Variants in PSMD10 observed in about 807,000 individuals in gnomAD.
PSMD10 encodes the protein proteasome 26S subunit, non-ATPase 10, also known as 26S proteasome non-ATPase regulatory subunit 10.
Under a neutral mutation model 13.2 loss-of-function variants are expected in PSMD10, and 2 were observed. The ratio of observed to expected loss-of-function variants is 0.15; its 90% CI spans 0.06 to 0.48. PSMD10 has a LOEUF of 0.48. Ranked by LOEUF, PSMD10 falls within the 20% of genes least tolerant of loss-of-function variation. The pLI, the probability that PSMD10 is intolerant of heterozygous loss-of-function variation, is 0.97. For synonymous variants in PSMD10, 66 were observed against 64.4 expected, an observed-to-expected ratio of 1.03 and a Z score of -0.12; for missense variants, 120 against 167.4, an observed-to-expected ratio of 0.72 and a Z score of 1.56.
At chrX:108,087,465 T>C (rs1354412111) in intron 4 of PSMD10, 2 of 414,205 alleles carry the variant, frequency 4.8e-6, no homozygotes, top group Non-Finnish European at 7.8e-6. Flanking sequence ...TACATTTGAA[T>C]ATAAAAGACC....
At chrX:108,086,097 G>A (rs1327064834) in intron 4 of PSMD10, among the ~76,000 whole-genome samples, 1 of 111,834 alleles carries the variant, frequency 8.9e-6, no homozygotes, top group Non-Finnish European at 1.9e-5. Context: ...TTAAAAGTTG[G>A]CTTAAAGTCA....
At position 108,087,677 on chromosome X, in the gene PSMD10, G is replaced by T; in HGVS notation, c.527+9C>A. 1 of 1,204,162 alleles carries T rather than the reference G, an allele frequency of 8.3e-7. No homozygotes were observed. The highest frequency in any genetic ancestry group is 1.1e-6 in the Non-Finnish European group (1 of 889,849). Reference sequence around the variant, plus strand: ...GGTAGAATACAAATGACTGCTACTTGTCACTTACAGAGGAGTGTTACCCTC... The same window carrying T: ...GGTAGAATACAAATGACTGCTACTTTTCACTTACAGAGGAGTGTTACCCTC... On this transcript the variant is annotated intron_variant, in intron 4 of 4. Transcript: ENST00000217958.
chrX:108,084,849 T>C lies in PSMD10; in HGVS notation c.*125A>G. On this transcript the variant is annotated 3_prime_UTR_variant, in exon 5 of 5. Transcript: ENST00000217958. ...TCAGCAGGAACAAGAGTCAACATGT[T>C]TATAAGACTTTGAAGGTGAGAAAAC... 1 of 805,467 alleles carries C rather than the reference T, an allele frequency of 1.2e-6. No homozygotes were observed. Among genetic ancestry groups the C allele is most frequent in the Non-Finnish European group, 1.7e-6 (1 of 586,199 alleles). The allele number at this position is 805,467 out of a possible 1,213,427, so 66.4% of individuals were successfully genotyped here. A position where few individuals can be genotyped will look rare whatever the true frequency, so the allele number is the denominator to read the frequency against.
rs2031469666 is a variant in PSMD10, at chrX:108,084,271, AT to A, written c.*702del. ...TCAAAATACATTTTTGTTACATGTC[AT>A]TTTAACAAGCTTGACATTCTTTTCA... On this transcript the variant is annotated 3_prime_UTR_variant, in exon 5 of 5. Transcript: ENST00000217958. 1 of 112,708 alleles carries A rather than the reference AT, an allele frequency of 8.9e-6. No individual in the cohort carries two copies. The highest frequency in any genetic ancestry group is 3.6e-4 in the South Asian group (1 of 2,803). The allele number at this position is 112,708 out of a possible 1,213,427, so 9.3% of individuals were successfully genotyped here. A position where few individuals can be genotyped will look rare whatever the true frequency, so the allele number is the denominator to read the frequency against.
At chrX:108,086,281 G>C (rs2031496157) in intron 4 of PSMD10, among the ~76,000 whole-genome samples, 1 of 111,593 alleles carries the variant, frequency 9.0e-6, no homozygotes, top group African/African-American at 3.3e-5. Context: ...TGGATTTTAA[G>C]AGTTAAATGC....
At position 108,089,044 on chromosome X, in the gene PSMD10, T is replaced by C. The variant is rs147343243; in HGVS notation, c.115-194A>G. ...TTTAAGTAACATGGGGAGAATGACA[T>C]TGATGAACATACGTAATTCTGGGCA... On this transcript the variant is annotated intron_variant, in intron 1 of 4. Coordinates refer to ENST00000217958, the MANE Select transcript of PSMD10 (RefSeq NM_002814.4). Among the ~76,000 whole-genome samples the C allele has an allele frequency of 3.2e-4, 36 of 112,453 alleles. No homozygotes were observed. In the East Asian group the frequency reaches 8.6e-3, roughly 27 times the overall value.
At chrX:108,085,209 G>A (rs1368747595) in intron 4 of PSMD10, 82 bp from the exon 5 acceptor site, 2 of 901,944 alleles carry the variant, frequency 2.2e-6, no homozygotes, top group Non-Finnish European at 1.5e-6. Context: ...GTAGTCTGAA[G>A]TGCATATGAT....
At chrX:108,090,201 T>G (rs1457936348) in intron 1 of PSMD10, among the ~76,000 whole-genome samples, 1 of 112,357 alleles carries the variant, frequency 8.9e-6, no homozygotes, top group Non-Finnish European at 1.9e-5. Context: ...TTACTAAAAT[T>G]AACACTAACT....
intron 4 of PSMD10, 32 bp downstream of exon 4, chrX:108,087,654 T>C: frequency 8.4e-7 from 1 of 1,192,501 alleles, no homozygotes; most frequent in Non-Finnish European, 1.1e-6. Flanking sequence ...TAATGTCAGG[T>C]AGAATACAAA....
chrX:108,087,923 C>T, intron 3 of PSMD10, 30 bp downstream of exon 3: 1 of 1,211,757 alleles, frequency 8.3e-7, no homozygotes, highest in Non-Finnish European at 1.1e-6. Context: ...GTTTAGAACT[C>T]AACAGAAGTA....
chrX:108,089,171 G>A (rs1477542508), intron 1 of PSMD10, among the ~76,000 whole-genome samples: 2 of 112,433 alleles, frequency 1.8e-5, no homozygotes, highest in East Asian at 5.5e-4. Context: ...GTACTTTTAT[G>A]TCAGGCACTG....
chrX:108,089,878 G>GT (rs1173787029), intron 1 of PSMD10, among the ~76,000 whole-genome samples: 3 of 111,774 alleles, frequency 2.7e-5, no homozygotes, highest in Admixed American at 9.4e-5. Context: ...AAAAGCTATA[G>GT]TAGTCATTAT....
chrX:108,085,422 T>C (rs1280862845), intron 4 of PSMD10, among the ~76,000 whole-genome samples: 2 of 112,490 alleles, frequency 1.8e-5, no homozygotes, highest in African/African-American at 3.2e-5. Context: ...AAGTAGTTGT[T>C]TACCTCAAAC....
intron 4 of PSMD10, among the ~76,000 whole-genome samples, chrX:108,086,046 G>A (rs559459932): frequency 1.8e-5 from 2 of 111,633 alleles, no homozygotes; most frequent in South Asian, 7.5e-4. Flanking sequence ...TTAGAATGCA[G>A]GAAAGATTTT....
chrX:108,086,180 C>T (rs1408560191), intron 4 of PSMD10, among the ~76,000 whole-genome samples: 1 of 112,221 alleles, frequency 8.9e-6, no homozygotes, highest in Non-Finnish European at 1.9e-5. Flanking sequence ...GAAAAAGTCA[C>T]CATTCAACAC....
chrX:108,085,269 T>C, intron 4 of PSMD10, 142 bp from the exon 5 acceptor site: 3 of 599,156 alleles, frequency 5.0e-6, no homozygotes, highest in South Asian at 5.9e-5. Context: ...GAAACATCAG[T>C]TTGCATAGGG....
intron 4 of PSMD10, 162 bp downstream of exon 4, chrX:108,087,524 G>T: frequency 1.4e-6 from 1 of 725,255 alleles, no homozygotes; most frequent in Non-Finnish European, 1.9e-6. Flanking sequence ...TGAGTGGCAA[G>T]ATAATAGGCA....
intron 1 of PSMD10, among the ~76,000 whole-genome samples, chrX:108,091,110 T>C (rs976181582): frequency 8.8e-6 from 1 of 113,568 alleles, no homozygotes; most frequent in African/African-American, 3.2e-5. Flanking sequence ...AATAAATCCA[T>C]ATAAAAAGCC....
At chrX:108,087,494 A>ATGTGATCAGT in intron 4 of PSMD10, 192 bp downstream of exon 4, 2 of 492,117 alleles carry the variant, frequency 4.1e-6, no homozygotes, top group East Asian at 7.9e-5. Context: ...ATACACAAGA[A>ATGTGATCAGT]TGTGATCAGT....
Sources: gnomAD v4.1 joint callset for allele counts (sites outside exome capture counted in the v4.1 genomes callset) on GRCh38, gnomAD v4.1.1 for gene constraint, MANE v1.5 for transcripts, NCBI Gene and HGNC (gene_info 2026-07-23, HGNC 2026-07-21) for gene names.